Variants in FBLN5 observed in about 807,000 individuals in gnomAD.
FBLN5 encodes the protein fibulin 5, also known as fibulin-5.
FBLN5 carries 24 observed loss-of-function variants against 61.6 expected under a neutral mutation model. The ratio of observed to expected loss-of-function variants is 0.39; its 90% CI spans 0.28 to 0.55. The LOEUF (loss-of-function observed/expected upper bound fraction) is 0.55. FBLN5 is among the 20% of genes least tolerant of loss of function. FBLN5 has a pLI of 0.65. For missense variants in FBLN5, 470 were observed against 594.1 expected, an observed-to-expected ratio of 0.79 and a Z score of 2.17; for synonymous variants, 213 against 219.8, an observed-to-expected ratio of 0.97 and a Z score of 0.27.
intron 10 of FBLN5, chr14:91,874,375 A>G (rs1465858894): frequency 6.6e-6 from 1 of 152,220 alleles, no homozygotes; most frequent in Non-Finnish European, 1.5e-5. Flanking sequence ...AATACTTTCT[A>G]TTGTAACTGG....
intron 10 of FBLN5, among the ~76,000 whole-genome samples, chr14:91,872,170 T>A (rs1172314603): frequency 1.3e-5 from 2 of 152,062 alleles, no homozygotes; most frequent in African/African-American, 4.8e-5. Context: ...TCCCATGAGG[T>A]TAAATAATTG....
intron 4 of FBLN5, among the ~76,000 whole-genome samples, chr14:91,925,991 T>C (rs1427953436): frequency 6.6e-6 from 1 of 152,076 alleles, no homozygotes; most frequent in Non-Finnish European, 1.5e-5. Context: ...GCAGTGGCGC[T>C]CCCCTCTGGC....
chr14:91,890,272 A>T (rs1889929679), intron 6 of FBLN5, among the ~76,000 whole-genome samples: 1 of 152,260 alleles, frequency 6.6e-6, no homozygotes, highest in Non-Finnish European at 1.5e-5. Context: ...CAATTAAAGT[A>T]AAGGAGACCT....
rs79367300 is a variant in FBLN5 at position 91,909,731 on chromosome 14, C to T, written c.380-14659G>A. Among the ~76,000 whole-genome samples the T allele has an allele frequency of 2.7e-3, 410 of 152,290 alleles. 3 individuals carry two copies. The highest frequency in any genetic ancestry group is 8.9e-3 in the African/African-American group (371 of 41,540). On this transcript the variant is annotated intron_variant, in intron 4 of 10. Coordinates refer to ENST00000342058, the MANE Select transcript of FBLN5 (RefSeq NM_006329.4). ...ATGCTGGCACCATGCATTAGGACCT[C>T]TCAGCCTCCAGAACCATGAGCTAAA... is the stretch of plus-strand genomic sequence containing the variant.
intron 9 of FBLN5, chr14:91,878,000 G>C (rs1889251401): frequency 4.1e-6 from 2 of 486,702 alleles, no homozygotes; most frequent in Non-Finnish European, 8.1e-6. Context: ...GGCCAAATAT[G>C]CCACTCCAGC....
Position 91,947,433 on chromosome 14 carries a change from C to T in FBLN5, c.-204G>A. The T allele has an allele frequency of 1.5e-6, 1 of 648,318 alleles. No homozygotes were observed. Among genetic ancestry groups the T allele is most frequent in the Non-Finnish European group, 2.8e-6 (1 of 361,180 alleles). The allele number at this position is 648,318 out of a possible 1,614,324, so 40.2% of individuals were successfully genotyped here. On this transcript the variant is annotated 5_prime_UTR_variant, in exon 1 of 11. Transcript: ENST00000342058. The surrounding 1 kb of genome is among the most constrained non-coding windows in gnomAD (Gnocchi z 4.3). The stretch of plus-strand genomic sequence containing the variant: ...ACTGCAGAGCCCTCAGCGCAAGCAC[C>T]TGGTTTTGCTTAGCCCTCTTCAGTA...
At position 91,946,710 on chromosome 14, in the gene FBLN5, C is replaced by T. The variant is rs937565163; in HGVS notation, c.17+503G>A. On this transcript the variant is annotated intron_variant, in intron 1 of 10. Transcript: ENST00000342058. ...TAAAGAATAGCAAAACATTTGCTTACATGTATCTCTGTCTGCAGTTCCCAC... is the reference window on the plus strand; with the variant it reads ...TAAAGAATAGCAAAACATTTGCTTATATGTATCTCTGTCTGCAGTTCCCAC... 3.3e-6 allele frequency: 5 copies of T among 1,534,694 alleles called. No individual in the cohort carries two copies. In the African/African-American group the frequency reaches 6.8e-5, roughly 21 times the overall value.
intron 5 of FBLN5, 58 bp downstream of exon 5, chr14:91,894,892 T>A: frequency 7.6e-7 from 1 of 1,312,814 alleles, no homozygotes; most frequent in South Asian, 1.2e-5. Context: ...TACCTCAAAA[T>A]GCCCCTGGCA....
intron 4 of FBLN5, among the ~76,000 whole-genome samples, chr14:91,913,650 G>A (rs1380616202): frequency 4.6e-5 from 7 of 152,164 alleles, no homozygotes; most frequent in Admixed American, 4.6e-4. Context: ...TTCTTCTAAC[G>A]CCTGGTCAAT....
At chr14:91,879,847 TG>T (rs746710988) in intron 9 of FBLN5, among the ~76,000 whole-genome samples, 7 of 152,278 alleles carry the variant, frequency 4.6e-5, no homozygotes, top group Non-Finnish European at 1.0e-4. Context: ...GAGGGCAGGA[TG>T]GGTGTGTCTG....
intron 4 of FBLN5, among the ~76,000 whole-genome samples, chr14:91,900,585 G>C (rs1890411038): frequency 6.6e-6 from 1 of 152,182 alleles, no homozygotes; most frequent in Non-Finnish European, 1.5e-5. Context: ...GAACTCCCCA[G>C]AAAAGACTAG....
At chr14:91,881,120 T>TACACACAC (rs200128392) in intron 9 of FBLN5, among the ~76,000 whole-genome samples, 172 bp downstream of exon 9, 79 of 61,550 alleles carry the variant, frequency 1.3e-3, no homozygotes, top group African/African-American at 5.6e-3. Context: ...TGTTCTATTC[T>TACACACAC]ACACACACAC....
At chr14:91,921,301 A>T (rs1238214162) in intron 4 of FBLN5, among the ~76,000 whole-genome samples, 1 of 152,186 alleles carries the variant, frequency 6.6e-6, no homozygotes, top group Non-Finnish European at 1.5e-5. Flanking sequence ...CAGGTGCAAG[A>T]CGATTGATTA....
intron 7 of FBLN5, among the ~76,000 whole-genome samples, chr14:91,883,635 C>G (rs1723405462): frequency 1.2e-5 from 1 of 82,430 alleles, no homozygotes; most frequent in Admixed American, 1.9e-4. Context: ...TATATTAAAA[C>G]TTCACTGTGT....
intron 4 of FBLN5, among the ~76,000 whole-genome samples, chr14:91,925,369 G>A (rs911441869): frequency 1.3e-5 from 2 of 152,120 alleles, no homozygotes; most frequent in African/African-American, 4.8e-5. Context: ...GTTGTCTGAG[G>A]CCCTCTGGAG....
chr14:91,924,400 T>C (rs896706557), intron 4 of FBLN5, among the ~76,000 whole-genome samples: 3 of 152,242 alleles, frequency 2.0e-5, no homozygotes, highest in Admixed American at 2.0e-4. Context: ...AAAAATACTA[T>C]GGTGAGACCG....
chr14:91,928,000 G>C (rs1286492839), intron 4 of FBLN5, among the ~76,000 whole-genome samples: 1 of 152,238 alleles, frequency 6.6e-6, no homozygotes, highest in Non-Finnish European at 1.5e-5. Context: ...GGCTGGGCAT[G>C]GCCCACCAGT....
In FBLN5 at chr14:91,943,013, G is replaced by A. The variant is rs1371144246; in HGVS notation, c.18-52C>T. On this transcript the variant is annotated intron_variant, in intron 1 of 10. Coordinates refer to ENST00000342058, the MANE Select transcript of FBLN5 (RefSeq NM_006329.4). This position sits in a 1 kb window ranked among gnomAD's most constrained non-coding sequence, Gnocchi z 4.0. ...ATGCCCAAGACAGATTCAGGTCTAGGGGAGTGTGGGTCGCATGCGGCCCGT... is the reference window on the plus strand; with the variant it reads ...ATGCCCAAGACAGATTCAGGTCTAGAGGAGTGTGGGTCGCATGCGGCCCGT... 3 of 1,255,206 alleles carry A rather than the reference G, an allele frequency of 2.4e-6. No homozygotes were observed. In the East Asian group the frequency reaches 7.5e-5, roughly 31 times the overall value. 77.8% of individuals were successfully genotyped at this position (1,255,206 alleles called of 1,614,324 possible).
intron 4 of FBLN5, among the ~76,000 whole-genome samples, chr14:91,904,479 G>T (rs2498835): frequency 0.44 from 67,660 of 152,134 alleles, 15,311 homozygotes; most frequent in Middle Eastern, 0.58. Context: ...TTTGAAAGCA[G>T]CCTCAACTTC....
Sources: allele counts gnomAD v4.1 joint callset (sites outside exome capture counted in the v4.1 genomes callset), GRCh38; gene constraint gnomAD v4.1.1; non-coding constraint Gnocchi (gnomAD v3.1); transcripts MANE v1.5; gene names NCBI Gene and HGNC (gene_info 2026-07-23, HGNC 2026-07-21).